CASK: variants seen among roughly 807,000 people sequenced by gnomAD.
The protein encoded by CASK is calcium/calmodulin dependent serine protein kinase.
In CASK, 4 loss-of-function variants were observed where a neutral mutation model predicts 82.9. The ratio of observed to expected loss-of-function variants is 0.05; its 90% CI spans 0.02 to 0.11. The LOEUF (loss-of-function observed/expected upper bound fraction) is 0.11, where lower values mean the gene tolerates loss of function less well. CASK is among the 10% of genes least tolerant of loss of function. CASK has a pLI of 1.00. For synonymous variants in CASK, 259 were observed against 253.5 expected, an observed-to-expected ratio of 1.02 and a Z score of -0.20; for missense variants, 358 against 720.9, an observed-to-expected ratio of 0.50 and a Z score of 5.76.
At chrX:41,860,214 T>A (rs776578194) in intron 1 of CASK, among the ~76,000 whole-genome samples, 1 of 110,541 alleles carries the variant, frequency 9.0e-6, no homozygotes, top group Admixed American at 9.6e-5. Flanking sequence ...TTTTGAGAAA[T>A]CATGGTGCTT....
At chrX:41,528,519 A>T (rs1264526708) in intron 25 of CASK, among the ~76,000 whole-genome samples, 1 of 112,250 alleles carries the variant, frequency 8.9e-6, no homozygotes, top group Non-Finnish European at 1.9e-5. Context: ...AAGTGAGAGG[A>T]TTCTAAAAAA....
intron 2 of CASK, among the ~76,000 whole-genome samples, chrX:41,840,052 T>C (rs1341000935): frequency 8.9e-6 from 1 of 112,004 alleles, no homozygotes; most frequent in Non-Finnish European, 1.9e-5. Context: ...TTCAATAATA[T>C]GGTGTCTATT....
At chrX:41,657,335 G>C (rs1054312996) in intron 8 of CASK, among the ~76,000 whole-genome samples, 2 of 111,973 alleles carry the variant, frequency 1.8e-5, no homozygotes, top group African/African-American at 3.2e-5. Context: ...TGTCTGAAAC[G>C]GTGAAACCAA....
intron 5 of CASK, among the ~76,000 whole-genome samples, chrX:41,710,882 G>A (rs947526306): frequency 4.5e-5 from 5 of 112,295 alleles, no homozygotes; most frequent in Admixed American, 1.9e-4. Flanking sequence ...GACAGTGTTC[G>A]GAGAGTTTCT....
At chrX:41,612,001 C>T (rs2066065589) in intron 11 of CASK, among the ~76,000 whole-genome samples, 1 of 112,475 alleles carries the variant, frequency 8.9e-6, no homozygotes, top group Non-Finnish European at 1.9e-5. Context: ...TCACTCAGTG[C>T]TCAATGGTGC....
intron 22 of CASK, among the ~76,000 whole-genome samples, chrX:41,537,852 T>G (rs1470769132): frequency 9.6e-6 from 1 of 104,274 alleles, no homozygotes; most frequent in Non-Finnish European, 1.9e-5. Context: ...ATTATTATTA[T>G]TATTATTGAG....
chrX:41,713,971 T>C (rs2068023597), intron 5 of CASK, among the ~76,000 whole-genome samples: 1 of 111,033 alleles, frequency 9.0e-6, no homozygotes, highest in African/African-American at 3.3e-5. Flanking sequence ...GAGGAAGAGA[T>C]TACAATGAGA....
chrX:41,753,476 T>C (rs986013263), intron 3 of CASK, among the ~76,000 whole-genome samples: 22 of 112,139 alleles, frequency 2.0e-4, no homozygotes, highest in African/African-American at 6.8e-4. Flanking sequence ...TCATGAGACA[T>C]GTTTTAAAAA....
intron 3 of CASK, among the ~76,000 whole-genome samples, chrX:41,763,988 T>C (rs376579615): frequency 2.7e-5 from 3 of 112,125 alleles, no homozygotes; most frequent in East Asian, 2.8e-4. Context: ...TCACTCACTA[T>C]GTCCCTCACT....
At chrX:41,715,245 A>G (rs912609566) in intron 5 of CASK, among the ~76,000 whole-genome samples, 3 of 112,358 alleles carry the variant, frequency 2.7e-5, no homozygotes, top group Non-Finnish European at 5.6e-5. Context: ...CCTATTTATT[A>G]AAGGGATGCC....
At chrX:41,589,426 A>G in intron 13 of CASK, 89 bp downstream of exon 13, 1 of 616,161 alleles carries the variant, frequency 1.6e-6, no homozygotes, top group Non-Finnish European at 2.7e-6. Context: ...GACTCCAGGG[A>G]AACTGCCTCT....
At chrX:41,901,816 C>G (rs2072386968) in intron 1 of CASK, among the ~76,000 whole-genome samples, 1 of 111,923 alleles carries the variant, frequency 8.9e-6, no homozygotes, top group Non-Finnish European at 1.9e-5. Context: ...CAGTGTGAAT[C>G]CTGGGTCCAT....
intron 3 of CASK, among the ~76,000 whole-genome samples, chrX:41,747,506 T>A (rs990105117): frequency 7.2e-5 from 8 of 111,261 alleles, no homozygotes; most frequent in Non-Finnish European, 1.3e-4. Flanking sequence ...GTGGTGCATC[T>A]CGGCTCACTG....
chrX:41,585,322 A>T (rs1234330802), intron 14 of CASK: 1 of 113,096 alleles, frequency 8.8e-6, no homozygotes, highest in African/African-American at 3.2e-5. Flanking sequence ...CTCAAGGATT[A>T]TACTTGAATT....
intron 2 of CASK, among the ~76,000 whole-genome samples, chrX:41,800,244 C>T (rs999236273): frequency 9.0e-6 from 1 of 110,834 alleles, no homozygotes; most frequent in African/African-American, 3.3e-5. Flanking sequence ...AAGATCCACA[C>T]TGAGTAGCAG....
chrX:41,910,030 T>C (rs1321242725), intron 1 of CASK, among the ~76,000 whole-genome samples: 1 of 111,790 alleles, frequency 8.9e-6, no homozygotes, highest in Non-Finnish European at 1.9e-5. Flanking sequence ...GAGATCAGCC[T>C]GGCCAACATG....
intron 22 of CASK, among the ~76,000 whole-genome samples, chrX:41,535,384 G>T (rs1200227660): frequency 9.0e-6 from 1 of 111,143 alleles, no homozygotes; most frequent in Non-Finnish European, 1.9e-5. Flanking sequence ...AATATAGCAT[G>T]AATGCAACTA....
At chrX:41,621,810 C>G (rs1267701942) in intron 11 of CASK, among the ~76,000 whole-genome samples, 1 of 111,950 alleles carries the variant, frequency 8.9e-6, no homozygotes, top group Non-Finnish European at 1.9e-5. Context: ...TCTCATTTAT[C>G]TTTGAGGTAA....
chrX:41,570,700 ACT>A (rs2065400085), intron 15 of CASK, among the ~76,000 whole-genome samples: 1 of 111,404 alleles, frequency 9.0e-6, no homozygotes, highest in African/African-American at 3.3e-5. Flanking sequence ...TACAGTATGA[ACT>A]CTTTTTTGTT....
Sources: allele counts gnomAD v4.1 joint callset (sites outside exome capture counted in the v4.1 genomes callset), GRCh38; gene constraint gnomAD v4.1.1; transcripts MANE v1.5; gene names NCBI Gene and HGNC (gene_info 2026-07-23, HGNC 2026-07-21).